The following SLC25A35 variants were observed in gnomAD, a reference collection of about 807,000 sequenced individuals.
The protein encoded by SLC25A35 is solute carrier family 25 member 35.
Under a neutral mutation model 30.5 loss-of-function variants are expected in SLC25A35, and 32 were observed. The observed-to-expected ratio is 1.05, with a 90% confidence interval of 0.79 to 1.41. The LOEUF is 1.41. SLC25A35 is among the 40% of genes most tolerant of loss of function. The pLI is 0.00. For synonymous variants in SLC25A35, 142 were observed against 158.1 expected (o/e 0.90, Z 0.77); for missense variants, 369 against 388.0 (o/e 0.95, Z 0.41).
In SLC25A35 at chr17:8,290,682, A is replaced by C; in HGVS notation, c.730-4T>G. 6.3e-7 allele frequency: 1 copy of C among 1,590,656 alleles called. No individual in the cohort carries two copies. Among genetic ancestry groups the C allele is most frequent in the Non-Finnish European group, 8.5e-7 (1 of 1,174,464 alleles). On this transcript the variant is annotated splice_polypyrimidine_tract_variant and splice_region_variant and intron_variant, in intron 4 of 4. Coordinates refer to ENST00000577745, the MANE Select transcript of SLC25A35 (RefSeq NM_001320870.2). ...GTATCCCCCGGTACATGAGGCCCTG[A>C]GAGTGTGTCAGAGAGGGAGGGAGAG...
chr17:8,295,255 C>T lies in SLC25A35; in HGVS notation c.-448G>A. 7 of 989,510 alleles carry T rather than the reference C, an allele frequency of 7.1e-6. No individual in the cohort carries two copies. Among genetic ancestry groups the T allele is most frequent in the Non-Finnish European group, 8.4e-6 (7 of 832,678 alleles). 61.3% of individuals were successfully genotyped at this position (989,510 alleles called of 1,614,324 possible). A position where few individuals can be genotyped will look rare whatever the true frequency, so the allele number is the denominator to read the frequency against. On this transcript the variant is annotated 5_prime_UTR_variant, in exon 1 of 5. Coordinates refer to ENST00000577745, the MANE Select transcript of SLC25A35 (RefSeq NM_001320870.2). ...GAGAAGAGCCGGTGATTTCCTCGAG[C>T]CAGCAACGAGATCTCGATCCGAGAA...
downstream of SLC25A35, chr17:8,289,594 G>C (rs1480801504): frequency 1.1e-5 from 18 of 1,611,554 alleles, no homozygotes; most frequent in Non-Finnish European, 1.1e-5. Flanking sequence ...CCCCCGTAAG[G>C]AGGAAGGAAC....
In SLC25A35 at chr17:8,290,632, C is replaced by T. The variant is rs188462314; in HGVS notation, c.776G>A (p.Arg259Gln). The T allele has an allele frequency of 2.3e-5, 36 of 1,542,874 alleles. No individual in the cohort carries two copies. The East Asian group carries it at 2.4e-4, about 10-fold the overall frequency. ...GTACATGCCAAAAATGCCCTCGGTC[C>T]GAGCTGTCTGCAGCAGAGCGTCCAG... ...GILDALLQTA[R>Q]TEGIFGMYKG... The change falls in exon 5 of 5, where the codon CGG (arginine) becomes CAG (glutamine). Residue 259 changes from arginine to glutamine, a missense_variant. Arg to Gln is a conservative substitution (Grantham distance 43, BLOSUM62 1). Coordinates refer to ENST00000577745, the MANE Select transcript of SLC25A35 (RefSeq NM_001320870.2).
At chr17:8,288,254 G>A (rs947088853), downstream of SLC25A35, 1 of 176,332 alleles carries the variant, frequency 5.7e-6, no homozygotes, top group African/African-American at 2.4e-5. Context: ...GGCAAGATTG[G>A]GAGACACTCC....
At chr17:8,291,627 C>T in intron 2 of SLC25A35, 142 bp from the exon 3 acceptor site, 1 of 1,250,806 alleles carries the variant, frequency 8.0e-7, no homozygotes, top group East Asian at 2.6e-5. Context: ...AGAATGTGGG[C>T]CCTTGGTTGT....
At chr17:8,289,910 G>A (rs374174477), downstream of SLC25A35, 51 of 1,614,092 alleles carry the variant, frequency 3.2e-5, no homozygotes, top group African/African-American at 4.0e-5. Flanking sequence ...GACCCTTCAC[G>A]ATCCTAACAT....
Position 8,295,388 on chromosome 17 carries a change from C to T in SLC25A35, c.-581G>A. The T allele has an allele frequency of 2.0e-6, 2 of 984,086 alleles. No homozygotes were observed. Among genetic ancestry groups the T allele is most frequent in the Non-Finnish European group, 2.4e-6 (2 of 828,678 alleles). The allele number at this position is 984,086 out of a possible 1,614,324, so 61.0% of individuals were successfully genotyped here. ...GTAGCCTGCGGAGGCCGGGCCGCCA[C>T]ACTCCTGCCACTGGAGCGCGGGGCC... On this transcript the variant is annotated 5_prime_UTR_variant, in exon 1 of 5. It adds an upstream start codon to the 5' untranslated region. Transcript: ENST00000577745.
chr17:8,292,965 T>A (rs1008177244), intron 1 of SLC25A35, among the ~76,000 whole-genome samples: 7 of 152,198 alleles, frequency 4.6e-5, no homozygotes, highest in Non-Finnish European at 1.0e-4. Context: ...CCACCACTTC[T>A]ATCAGGCTCC....
rs1990397463 is a variant in SLC25A35, at chr17:8,290,497, A to T, written c.*8T>A. The T allele has an allele frequency of 1.3e-6, 2 of 1,535,206 alleles. No individual in the cohort carries two copies. The highest frequency in any genetic ancestry group is 2.7e-5 in the African/African-American group (2 of 72,992). On this transcript the variant is annotated 3_prime_UTR_variant, in exon 5 of 5. Coordinates refer to ENST00000577745, the MANE Select transcript of SLC25A35 (RefSeq NM_001320870.2). ...GTGCTCATTTGGTGGAGACTGGGAA[A>T]GCGGCTGTTATTTAGTGTCTGTGTA... is the stretch of plus-strand genomic sequence containing the variant.
At chr17:8,288,739 T>C, downstream of SLC25A35, 1 of 1,597,490 alleles carries the variant, frequency 6.3e-7, no homozygotes, top group Non-Finnish European at 8.6e-7. Flanking sequence ...CGTGACCCAA[T>C]GTGGACTTCT....
Position 8,291,353 on chromosome 17 carries a change from C to T in SLC25A35, c.574G>A (p.Asp192Asn). 1 of 1,614,146 alleles carries T rather than the reference C, an allele frequency of 6.2e-7. No individual in the cohort carries two copies. ...AGTACCTCCCACTGGCTCAGGAGGT[C>T]CTTGGTGGATGAGAAGGTGCACAGC... ...TQLCTFSSTKDLLSQWEIFPP... is the reference protein window; with the variant it reads ...TQLCTFSSTKNLLSQWEIFPP... Residue 192 changes from aspartate (D) to asparagine (N), a missense_variant, in exon 3 of 5, where the codon GAC (aspartate) becomes AAC (asparagine). Transcript: ENST00000577745.
At chr17:8,294,292 G>A (rs767089473) in intron 1 of SLC25A35, 141 bp downstream of exon 1, 2 of 834,284 alleles carry the variant, frequency 2.4e-6, no homozygotes, top group African/African-American at 1.7e-5. Flanking sequence ...AGAAGACTCC[G>A]AAGCCTACCA....
chr17:8,294,571 G>A lies in SLC25A35; in HGVS notation c.237C>T (p.Ile79=). 1 of 1,614,174 alleles carries A rather than the reference G, an allele frequency of 6.2e-7. No homozygotes were observed. Among genetic ancestry groups the A allele is most frequent in the Non-Finnish European group, 8.5e-7 (1 of 1,180,036 alleles). Residue 79 remains isoleucine, a synonymous_variant, in exon 1 of 5, where the codon ATC becomes ATT. Transcript: ENST00000577745. ...CAGCCAGCCCATAGGTGCCCAGTCG[G>A]ATGCCATTCATCAGGAACTGGTACA... is the stretch of plus-strand genomic sequence containing the variant. ...ALLYQFLMNG[I]RLGTYGLAEA...
Position 8,294,948 on chromosome 17 carries a change from G to A in SLC25A35, c.-141C>T, listed in dbSNP as rs1220468408. The A allele has an allele frequency of 1.4e-6, 2 of 1,438,790 alleles. No individual in the cohort carries two copies. The highest frequency in any genetic ancestry group is 1.8e-6 in the Non-Finnish European group (2 of 1,101,362). The allele number at this position is 1,438,790 out of a possible 1,614,324, so 89.1% of individuals were successfully genotyped here. On this transcript the variant is annotated 5_prime_UTR_variant, in exon 1 of 5. Coordinates refer to ENST00000577745, the MANE Select transcript of SLC25A35 (RefSeq NM_001320870.2). ...TAAGAATTTAGATTTGCAGTCAAGG[G>A]TGTCAGGGTCAAATGTCAAGTGGTC... is the stretch of plus-strand genomic sequence containing the variant.
chr17:8,292,652 G>A (rs1990594349), intron 1 of SLC25A35, 64 bp from the exon 2 acceptor site: 6 of 1,421,612 alleles, frequency 4.2e-6, no homozygotes, highest in South Asian at 1.1e-5. Context: ...AGAACCAAAT[G>A]TCTCACCCCC....
intron 1 of SLC25A35, 70 bp from the exon 2 acceptor site, chr17:8,292,658 C>T: frequency 7.6e-7 from 1 of 1,318,976 alleles, no homozygotes; most frequent in Non-Finnish European, 1.1e-6. Context: ...AAATGTCTCA[C>T]CCCCTCACAC....
rs972870998 is a variant in SLC25A35 at position 8,292,601 on chromosome 17, G to T, written c.376-13C>A. On this transcript the variant is annotated splice_polypyrimidine_tract_variant and intron_variant, in intron 1 of 4. Transcript: ENST00000577745. Reference sequence around the variant, plus strand: ...GGTGTGTCTTCACCTGGGAACAAGAGAATATCATAGCCTGTGCCCCAGTGG... The same window carrying T: ...GGTGTGTCTTCACCTGGGAACAAGATAATATCATAGCCTGTGCCCCAGTGG... The T allele has an allele frequency of 1.2e-6, 2 of 1,613,840 alleles. No homozygotes were observed. The highest frequency in any genetic ancestry group is 3.3e-5 in the Admixed American group (2 of 60,016).
At chr17:8,292,435 C>G in intron 2 of SLC25A35, 88 bp downstream of exon 2, 1 of 1,308,166 alleles carries the variant, frequency 7.6e-7, no homozygotes, top group East Asian at 2.3e-5. Flanking sequence ...AGAGCAGTGG[C>G]TGGGATTGGA....
At chr17:8,292,817 A>G (rs1264749388) in intron 1 of SLC25A35, among the ~76,000 whole-genome samples, 7 of 152,112 alleles carry the variant, frequency 4.6e-5, no homozygotes, top group African/African-American at 9.7e-5. Context: ...CAACCCCTTC[A>G]TATCCTCTTT....
Sources: gnomAD v4.1 joint callset for allele counts (sites outside exome capture counted in the v4.1 genomes callset) on GRCh38, gnomAD v4.1.1 for gene constraint, MANE v1.5 for transcripts, NCBI Gene and HGNC (gene_info 2026-07-23, HGNC 2026-07-21) for gene names.